The following ZFP62 variants were observed in gnomAD, a reference collection of about 807,000 sequenced individuals.
The protein encoded by ZFP62 is zinc finger protein 62 homolog.
Under a neutral mutation model 56.4 loss-of-function variants are expected in ZFP62, and 44 were observed. That is an observed-to-expected ratio of 0.78 (90% CI 0.61 to 1.00). ZFP62 has a LOEUF of 1.00. Ranked by LOEUF, ZFP62 falls within the 50% of genes least tolerant of loss-of-function variation. The probability of loss-of-function intolerance (pLI) is 0.00; values close to 1 mark genes in which losing one functional copy is unlikely to be tolerated. For missense variants in ZFP62, 1,030 were observed against 1,085.7 expected (o/e 0.95, Z 0.72); for synonymous variants, 421 against 388.9 (o/e 1.08, Z -0.97).
chr5:180,858,654 T>C (rs895219737), intron 1 of ZFP62, among the ~76,000 whole-genome samples: 2 of 152,010 alleles, frequency 1.3e-5, no homozygotes, highest in South Asian at 2.1e-4. Context: ...GGAGAATGGA[T>C]TGAGGCAAGA....
the ZFP62 span, among the ~76,000 whole-genome samples, chr5:180,840,275 C>G: frequency 6.6e-6 from 1 of 152,162 alleles, no homozygotes; most frequent in South Asian, 2.1e-4. Flanking sequence ...ATGCACTGGC[C>G]GTGAAAAGGG....
intron 1 of ZFP62, among the ~76,000 whole-genome samples, chr5:180,860,037 T>C (rs1384744231): frequency 2.0e-5 from 3 of 152,194 alleles, no homozygotes; most frequent in African/African-American, 7.2e-5. Flanking sequence ...ATCCAATACT[T>C]ACCACAGCTC....
chr5:180,833,249 G>C, the ZFP62 span, among the ~76,000 whole-genome samples: 2 of 152,068 alleles, frequency 1.3e-5, no homozygotes, highest in Non-Finnish European at 2.9e-5. Flanking sequence ...GGGAGGCTGA[G>C]GTGGGCGGAT....
the ZFP62 span, among the ~76,000 whole-genome samples, chr5:180,833,788 A>G: frequency 6.6e-6 from 1 of 151,108 alleles, no homozygotes; most frequent in Non-Finnish European, 1.5e-5. Flanking sequence ...CTCCTGCCTC[A>G]GCCTCCTGAG....
At chr5:180,840,855 GAATA>G in the ZFP62 span, among the ~76,000 whole-genome samples, 5 of 151,116 alleles carry the variant, frequency 3.3e-5, no homozygotes, top group Admixed American at 2.6e-4. Flanking sequence ...AAGATCACAG[GAATA>G]AATAAAAATG....
the ZFP62 span, among the ~76,000 whole-genome samples, chr5:180,840,789 TTGTGTGTGTGTGTGTG>T: frequency 4.1e-5 from 6 of 146,558 alleles, no homozygotes; most frequent in South Asian, 2.2e-4. Flanking sequence ...CTAAAACAAT[TTGTGTGTGTGTGTGTG>T]TGTGTGTGTG....
Position 180,847,932 on chromosome 5 carries a change from G to T in ZFP62, c.*860C>A, listed in dbSNP as rs770047139. The T allele has an allele frequency of 1.0e-6, 1 of 985,260 alleles. No homozygotes were observed. The highest frequency in any genetic ancestry group is 1.7e-5 in the African/African-American group (1 of 57,224). 61.0% of individuals were successfully genotyped at this position (985,260 alleles called of 1,614,324 possible). On this transcript the variant is annotated 3_prime_UTR_variant, in exon 2 of 2. Coordinates refer to ENST00000502412, the MANE Select transcript of ZFP62 (RefSeq NM_001172638.2). ...GAATCACTTCTGTCATGTAAGGTGC[G>T]AATTCATGTTGACGGTGTGTTCCAT...
At chr5:180,836,879 T>C in the ZFP62 span, among the ~76,000 whole-genome samples, 1 of 152,242 alleles carries the variant, frequency 6.6e-6, no homozygotes, top group Non-Finnish European at 1.5e-5. Context: ...ATACATTTTA[T>C]TCAAGTTGAT....
Position 180,849,836 on chromosome 5 carries a change from T to C in ZFP62, c.1659A>G (p.Arg553=). ...RNNSGLKVHK[R]IHTGERPYKC... is the part of the protein sequence containing the mutation. ...TGTAAGGTCGTTCCCCAGTGTGGAT[T>C]CGTTTATGTACTTTAAGGCCAGAAT... Residue 553 remains arginine, a synonymous_variant, in exon 2 of 2, where the codon CGA becomes CGG. Transcript: ENST00000502412. 6.4e-7 allele frequency: 1 copy of C among 1,551,756 alleles called. No individual in the cohort carries two copies. The highest frequency in any genetic ancestry group is 8.7e-7 in the Non-Finnish European group (1 of 1,146,998).
the ZFP62 span, among the ~76,000 whole-genome samples, chr5:180,839,796 T>G: frequency 2.0e-5 from 3 of 152,226 alleles, no homozygotes; most frequent in African/African-American, 7.2e-5. Context: ...GGTTGTGTCC[T>G]GACAGGAAAT....
chr5:180,831,692 G>A, the ZFP62 span: 2 of 152,500 alleles, frequency 1.3e-5, no homozygotes, highest in Admixed American at 6.5e-5. Context: ...CCTGCCCAAC[G>A]ACCGTTCTCC....
intron 1 of ZFP62, chr5:180,852,016 T>C (rs1773737278): frequency 3.0e-6 from 3 of 986,950 alleles, no homozygotes; most frequent in Non-Finnish European, 2.4e-6. Context: ...GAGAAGGCTA[T>C]GAAACCATGA....
chr5:180,840,042 G>T, the ZFP62 span, among the ~76,000 whole-genome samples: 1 of 123,586 alleles, frequency 8.1e-6, no homozygotes, highest in Non-Finnish European at 1.5e-5. Context: ...ACTGCCTAAA[G>T]AAAGAATGTC....
In ZFP62 at chr5:180,849,313, G is replaced by T; in HGVS notation, c.2182C>A (p.Pro728Thr). The change falls in exon 2 of 2, where the codon CCC (proline) becomes ACC (threonine). Residue 728 changes from proline (P) to threonine (T), a missense_variant. Transcript: ENST00000502412. Reference sequence around the variant, plus strand: ...TTCCCACACTCAACACACTTGAAGGGTTTCTCCCCAAGATGGACTCTTTTA... The same window carrying T: ...TTCCCACACTCAACACACTTGAAGGTTTTCTCCCCAAGATGGACTCTTTTA... ...SHKRVHLGEK[P>T]FKCVECGKSF... 1 of 1,552,254 alleles carries T rather than the reference G, an allele frequency of 6.4e-7. No homozygotes were observed. The highest frequency in any genetic ancestry group is 1.2e-5 in the South Asian group (1 of 84,060).
chr5:180,854,565 A>G (rs1361827254), intron 1 of ZFP62, among the ~76,000 whole-genome samples: 1 of 150,842 alleles, frequency 6.6e-6, no homozygotes, highest in Non-Finnish European at 1.5e-5. Flanking sequence ...TTAAATATTT[A>G]TAATGCTTAA....
the ZFP62 span, among the ~76,000 whole-genome samples, chr5:180,841,612 A>G: frequency 6.6e-6 from 1 of 152,224 alleles, no homozygotes. Context: ...TTCAGATGGA[A>G]GAAATCTAAT....
intron 1 of ZFP62, among the ~76,000 whole-genome samples, chr5:180,853,288 A>G (rs780263417): frequency 5.3e-5 from 8 of 152,238 alleles, no homozygotes; most frequent in African/African-American, 1.9e-4. Flanking sequence ...TGTATATCCT[A>G]AAGTCAAAAG....
chr5:180,833,534 T>C, the ZFP62 span, among the ~76,000 whole-genome samples: 1 of 151,052 alleles, frequency 6.6e-6, no homozygotes, highest in Non-Finnish European at 1.5e-5. Flanking sequence ...TTCTGCCATA[T>C]GAGGATACAG....
Position 180,850,142 on chromosome 5 carries a change from AC to A in ZFP62, c.1352del (p.Cys451LeufsTer127). The A allele has an allele frequency of 6.4e-7, 1 of 1,551,780 alleles. No homozygotes were observed. Among genetic ancestry groups the A allele is most frequent in the South Asian group, 1.2e-5 (1 of 84,064 alleles). On this transcript the variant is annotated frameshift_variant, in exon 2 of 2. Transcript: ENST00000502412. LOFTEE classifies it high-confidence loss of function. ...TIHTGERPYV[C>X]DVCGKTFRNN... is the part of the protein sequence containing the mutation. ...TTCTGAACGTTTTCCCACACACATC[AC>A]ATACATAAGGTCTCTCTCCGGTATG...
Sources: gnomAD v4.1 joint callset for allele counts (sites outside exome capture counted in the v4.1 genomes callset) on GRCh38, gnomAD v4.1.1 for gene constraint, MANE v1.5 for transcripts, NCBI Gene and HGNC (gene_info 2026-07-23, HGNC 2026-07-21) for gene names.